Variants in AP2A2 observed in about 807,000 individuals in gnomAD.
AP2A2 encodes adaptor related protein complex 2 subunit alpha 2.
Under a neutral mutation model 104.2 loss-of-function variants are expected in AP2A2, and 32 were observed. The observed-to-expected ratio is 0.31, with a 90% CI of 0.23 to 0.41. The LOEUF is 0.41. AP2A2 is among the 10% of genes least tolerant of loss of function. The pLI is 1.00. For missense variants in AP2A2, 912 were observed against 1,261.0 expected (o/e 0.72, Z 4.19); for synonymous variants, 539 against 533.3 (o/e 1.01, Z -0.15).
chr11:993,773 C>T lies in AP2A2; in HGVS notation c.1570C>T (p.Leu524=). ...PRSSPLIQFH[L]LHSKFHLCSV... is the part of the protein sequence containing the mutation. ...CCCCAGCCCGCTGATCCAGTTCCAC[C>T]TGCTGCACTCCAAGTTCCACCTGTG... The change falls in exon 13 of 22, where the codon CTG becomes TTG. Residue 524 remains leucine, a synonymous_variant. Transcript: ENST00000448903. The surrounding 1 kb of genome is among the most constrained non-coding windows in gnomAD (Gnocchi z 8.2). The T allele has an allele frequency of 1.9e-6, 3 of 1,601,604 alleles. No homozygotes were observed. The highest frequency in any genetic ancestry group is 1.1e-5 in the South Asian group (1 of 89,466).
intron 1 of AP2A2, among the ~76,000 whole-genome samples, chr11:941,525 T>A (rs1853642424): frequency 6.6e-6 from 1 of 152,034 alleles, no homozygotes; most frequent in Admixed American, 6.5e-5. Context: ...CAAGTGATTC[T>A]CTTGTCTCAG....
rs564494469 is a variant in AP2A2, at chr11:983,600, G to A, written c.706-1045G>A. 4.3e-3 allele frequency among the ~76,000 whole-genome samples: 654 copies of A among 151,908 alleles called. 7 individuals are homozygous for A. The highest frequency in any genetic ancestry group is 7.9e-3 in the Non-Finnish European group (536 of 67,988). ...GGGTTTCACTGTGTTAGCCAGGATG[G>A]TCTCGATCTCCTGACCTTGTGATCC... On this transcript the variant is annotated intron_variant, in intron 6 of 21. Transcript: ENST00000448903.
At chr11:974,097 G>A (rs1834157263) in intron 4 of AP2A2, among the ~76,000 whole-genome samples, 1 of 152,192 alleles carries the variant, frequency 6.6e-6, no homozygotes, top group Non-Finnish European at 1.5e-5. Context: ...ATCTGCGGCT[G>A]GAAGGGAGCA....
intron 1 of AP2A2, among the ~76,000 whole-genome samples, chr11:927,972 A>G (rs1209286841): frequency 2.0e-5 from 3 of 152,212 alleles, no homozygotes; most frequent in African/African-American, 7.2e-5. Context: ...CTCTGGGACA[A>G]AGACTGAGTA....
intron 1 of AP2A2, among the ~76,000 whole-genome samples, chr11:951,800 T>C (rs1854062194): frequency 6.6e-6 from 1 of 152,232 alleles, no homozygotes; most frequent in Non-Finnish European, 1.5e-5. Context: ...ATAGTAATTT[T>C]AGCAATTATA....
intron 15 of AP2A2, among the ~76,000 whole-genome samples, chr11:1,003,085 A>G (rs1318962502): frequency 6.6e-6 from 1 of 152,234 alleles, no homozygotes; most frequent in African/African-American, 2.4e-5. Flanking sequence ...TCTGAGAGAA[A>G]CACAAATGAA....
At chr11:958,325 G>A (rs901239813) in intron 1 of AP2A2, among the ~76,000 whole-genome samples, 12 of 152,368 alleles carry the variant, frequency 7.9e-5, no homozygotes, top group African/African-American at 2.9e-4. Context: ...AGAAGATGAA[G>A]TGTTTCAGCC....
intron 15 of AP2A2, 82 bp from the exon 16 acceptor site, chr11:1,003,640 C>G: frequency 1.2e-6 from 1 of 860,114 alleles, no homozygotes; most frequent in Non-Finnish European, 1.8e-6. Flanking sequence ...CCTCCTCGTG[C>G]TGTGAGTTTT....
intron 1 of AP2A2, among the ~76,000 whole-genome samples, chr11:935,246 A>G (rs1242627109): frequency 3.3e-5 from 5 of 151,834 alleles, no homozygotes; most frequent in Non-Finnish European, 5.9e-5. Context: ...TTTAGTAGAG[A>G]CGGACTTTCA....
chr11:967,059 C>T (rs924050310), intron 2 of AP2A2, among the ~76,000 whole-genome samples: 3 of 151,892 alleles, frequency 2.0e-5, no homozygotes, highest in African/African-American at 7.2e-5. Context: ...CCCAGCTACT[C>T]GGGAGGCAGA....
intron 7 of AP2A2, 111 bp from the exon 8 acceptor site, chr11:985,324 T>C (rs1186019715): frequency 3.7e-6 from 5 of 1,369,326 alleles, no homozygotes. Flanking sequence ...TACACAAATG[T>C]GAATGAACTA....
At chr11:997,732 C>T (rs1045170624) in intron 14 of AP2A2, among the ~76,000 whole-genome samples, 7 of 152,026 alleles carry the variant, frequency 4.6e-5, no homozygotes, top group East Asian at 1.9e-4. Flanking sequence ...TGGTGAAACC[C>T]CGTCTCTTCT....
Position 968,421 on chromosome 11 carries a change from T to G in AP2A2, c.137-1748T>G, listed in dbSNP as rs1854695610. On this transcript the variant is annotated intron_variant, in intron 2 of 21. Coordinates refer to ENST00000448903, the MANE Select transcript of AP2A2 (RefSeq NM_012305.4). The surrounding 1 kb of genome is among the most constrained non-coding windows in gnomAD (Gnocchi z 4.2). The stretch of plus-strand genomic sequence containing the variant: ...CTCTCGGAGAGAGCCTGTCTCCGTC[T>G]CCGCCCCTGTTCCCATCCCCGTCTC... Among the ~76,000 whole-genome samples the G allele has an allele frequency of 6.6e-6, 1 of 151,786 alleles. No individual in the cohort carries two copies. Among genetic ancestry groups the G allele is most frequent in the South Asian group, 2.1e-4 (1 of 4,808 alleles).
chr11:967,255 T>A (rs1164821493), intron 2 of AP2A2, among the ~76,000 whole-genome samples: 1 of 152,238 alleles, frequency 6.6e-6, no homozygotes, highest in African/African-American at 2.4e-5. Context: ...TCTGTGTGCA[T>A]CTGATGAGTC....
chr11:995,951 TG>T (rs1321562227), intron 14 of AP2A2: 1 of 151,722 alleles, frequency 6.6e-6, no homozygotes, highest in Non-Finnish European at 1.5e-5. Context: ...AGCACCTTCA[TG>T]CTTATGTTTC....
chr11:930,404 A>C (rs1853251522), intron 1 of AP2A2, among the ~76,000 whole-genome samples: 1 of 152,112 alleles, frequency 6.6e-6, no homozygotes, highest in Admixed American at 6.5e-5. Context: ...ATTGACGTCA[A>C]CCCAGCGGCC....
At position 995,072 on chromosome 11, in the gene AP2A2, A is replaced by G. The variant is rs189662606; in HGVS notation, c.1956+827A>G. ...CGGGGGCCACTGTGCCTGCTGGGCAAGGCACTTCCTTCAGACCGTCGTCTT... is the reference window on the plus strand; with the variant it reads ...CGGGGGCCACTGTGCCTGCTGGGCAGGGCACTTCCTTCAGACCGTCGTCTT... On this transcript the variant is annotated intron_variant, in intron 14 of 21. Coordinates refer to ENST00000448903, the MANE Select transcript of AP2A2 (RefSeq NM_012305.4). Among the ~76,000 whole-genome samples, 44 of 151,186 alleles carry G rather than the reference A, an allele frequency of 2.9e-4. No homozygotes were observed. In the Middle Eastern group the frequency reaches 0.01, roughly 35 times the overall value.
At chr11:982,773 C>G (rs999613593) in intron 6 of AP2A2, among the ~76,000 whole-genome samples, 1 of 151,702 alleles carries the variant, frequency 6.6e-6, no homozygotes, top group Admixed American at 6.6e-5. Context: ...GCCTCAGCCT[C>G]CCGAGTAGCT....
intron 1 of AP2A2, among the ~76,000 whole-genome samples, chr11:951,536 A>T (rs1212867301): frequency 6.6e-6 from 1 of 152,226 alleles, no homozygotes; most frequent in Non-Finnish European, 1.5e-5. Context: ...CAAAAAAAAA[A>T]AAAGAACGTG....
Sources: allele counts gnomAD v4.1 joint callset (sites outside exome capture counted in the v4.1 genomes callset), GRCh38; gene constraint gnomAD v4.1.1; non-coding constraint Gnocchi (gnomAD v3.1); transcripts MANE v1.5; gene names NCBI Gene and HGNC (gene_info 2026-07-23, HGNC 2026-07-21).